Variants in QDPR observed in about 807,000 individuals in gnomAD.
The protein encoded by QDPR is dihydropteridine reductase.
QDPR carries 23 observed loss-of-function variants against 31.7 expected under a neutral mutation model. The observed-to-expected ratio is 0.73, with a 90% confidence interval of 0.52 to 1.03. The LOEUF (loss-of-function observed/expected upper bound fraction) is 1.03. QDPR is among the 50% of genes least tolerant of loss of function. QDPR has a pLI of 0.00. For synonymous variants in QDPR, 124 were observed against 124.7 expected, an observed-to-expected ratio of 0.99 and a Z score of 0.03; for missense variants, 324 against 323.8, an observed-to-expected ratio of 1.00 and a Z score of 0.00.
chr4:17,494,514 C>T (rs1263499989), intron 4 of QDPR, among the ~76,000 whole-genome samples: 1 of 152,242 alleles, frequency 6.6e-6, no homozygotes, highest in East Asian at 1.9e-4. Flanking sequence ...ACCCTTTCCC[C>T]TCTCCATCAC....
intron 1 of QDPR, 79 bp downstream of exon 1, chr4:17,511,871 G>C: frequency 1.4e-6 from 2 of 1,431,106 alleles, no homozygotes; most frequent in Non-Finnish European, 1.9e-6. Context: ...CCTTCCTCTA[G>C]ACTGCCCCCC....
At chr4:17,491,240 A>ATCT (rs1360593899) in intron 5 of QDPR, among the ~76,000 whole-genome samples, 7 of 152,256 alleles carry the variant, frequency 4.6e-5, no homozygotes, top group Admixed American at 1.3e-4. Flanking sequence ...ATATGCATGA[A>ATCT]TCTCCCAAGA....
At chr4:17,505,061 CTGTT>C (rs1316076111) in intron 2 of QDPR, among the ~76,000 whole-genome samples, 4 of 152,054 alleles carry the variant, frequency 2.6e-5, no homozygotes, top group African/African-American at 7.2e-5. Context: ...CTCTCTGCTT[CTGTT>C]TGTTTGAGAT....
chr4:17,494,040 C>T (rs1718264542), intron 4 of QDPR, among the ~76,000 whole-genome samples: 1 of 152,104 alleles, frequency 6.6e-6, no homozygotes, highest in Non-Finnish European at 1.5e-5. Flanking sequence ...GCCCTGGAAC[C>T]CGACTACCTG....
At chr4:17,493,446 C>T (rs180914808) in intron 4 of QDPR, among the ~76,000 whole-genome samples, 4 of 152,328 alleles carry the variant, frequency 2.6e-5, no homozygotes, top group Admixed American at 1.3e-4. Context: ...ACCTACCCTA[C>T]TTCAGATGGC....
At chr4:17,504,541 G>T in intron 2 of QDPR, 66 bp from the exon 3 acceptor site, 1 of 1,272,468 alleles carries the variant, frequency 7.9e-7, no homozygotes, top group Middle Eastern at 1.8e-4. Flanking sequence ...GCATCTTTAC[G>T]GATACTCAGT....
rs1028605364 is a variant in QDPR at position 17,497,677 on chromosome 4, G to C, written c.436+4042C>G. 1.3e-5 allele frequency among the ~76,000 whole-genome samples: 2 copies of C among 152,022 alleles called. 1 individual carries two copies. Among genetic ancestry groups the C allele is most frequent in the South Asian group, 4.1e-4 (2 of 4,828 alleles). The stretch of plus-strand genomic sequence containing the variant: ...TGAACTTTTTTTCCTCCATAATCAA[G>C]GGAAAATAATAGGACCTACTTTACA... On this transcript the variant is annotated intron_variant, in intron 4 of 6. Transcript: ENST00000281243.
intron 2 of QDPR, 102 bp downstream of exon 2, chr4:17,509,169 G>T: frequency 1.0e-6 from 1 of 974,076 alleles, no homozygotes; most frequent in Admixed American, 1.9e-5. Flanking sequence ...GGGAAAAAAA[G>T]AAATAAAAGG....
intron 6 of QDPR, among the ~76,000 whole-genome samples, chr4:17,489,651 A>G (rs1180508334): frequency 6.6e-6 from 1 of 152,170 alleles, no homozygotes; most frequent in African/African-American, 2.4e-5. Context: ...AATAAAAATG[A>G]CAGCTCCTCC....
chr4:17,509,821 C>T, intron 1 of QDPR: 1 of 377,490 alleles, frequency 2.6e-6, no homozygotes, highest in Non-Finnish European at 5.3e-6. Context: ...CCAGGCCCTC[C>T]TACCTCCAAA....
chr4:17,500,381 G>A (rs531652108), intron 4 of QDPR, among the ~76,000 whole-genome samples: 2 of 152,274 alleles, frequency 1.3e-5, no homozygotes, highest in East Asian at 3.9e-4. Flanking sequence ...GGAGTGTTAT[G>A]GGCTGAAATA....
chr4:17,509,583 C>G (rs1718926123), intron 1 of QDPR, among the ~76,000 whole-genome samples: 1 of 152,116 alleles, frequency 6.6e-6, no homozygotes, highest in South Asian at 2.1e-4. Context: ...TAAAATTAGT[C>G]AGGTGTGGTG....
chr4:17,508,284 A>G lies in QDPR; in HGVS notation c.198+987T>C, dbSNP rs1289270864. Reference sequence around the variant, plus strand: ...AAAACCTGTCTCTACTAAAAATACAAAAAAGTTAGCTGGGCATTGGGGTGC... The same window carrying G: ...AAAACCTGTCTCTACTAAAAATACAGAAAAGTTAGCTGGGCATTGGGGTGC... On this transcript the variant is annotated intron_variant, in intron 2 of 6. Coordinates refer to ENST00000281243, the MANE Select transcript of QDPR (RefSeq NM_000320.3). Among the ~76,000 whole-genome samples, 4 of 152,204 alleles carry G rather than the reference A, an allele frequency of 2.6e-5. No individual in the cohort carries two copies. In the East Asian group the frequency reaches 7.7e-4, roughly 29 times the overall value.
intron 6 of QDPR, among the ~76,000 whole-genome samples, chr4:17,489,627 G>A (rs934700549): frequency 6.6e-6 from 1 of 152,098 alleles, no homozygotes; most frequent in African/African-American, 2.4e-5. Context: ...ATCCCTCCAA[G>A]TCTCTAAGCC....
intron 4 of QDPR, among the ~76,000 whole-genome samples, chr4:17,496,196 A>T (rs1231809560): frequency 6.6e-6 from 1 of 152,106 alleles, no homozygotes; most frequent in Admixed American, 6.6e-5. Context: ...CTGTAATCCC[A>T]GCACTTTGGG....
At chr4:17,493,614 A>G (rs1278267735) in intron 4 of QDPR, among the ~76,000 whole-genome samples, 3 of 152,244 alleles carry the variant, frequency 2.0e-5, no homozygotes, top group African/African-American at 7.2e-5. Context: ...GATACAACTC[A>G]GGAACAGCCA....
Position 17,497,791 on chromosome 4 carries a change from C to T in QDPR, c.436+3928G>A, listed in dbSNP as rs189709732. Among the ~76,000 whole-genome samples, 19 of 152,102 alleles carry T rather than the reference C, an allele frequency of 1.2e-4. 1 individual carries two copies. The highest frequency in any genetic ancestry group is 7.9e-4 in the Admixed American group (12 of 15,276). Reference sequence around the variant, plus strand: ...TGCCTAAAAATATTTCTTTCTTTTTCGCCAAGTCTGTTGAGGTATAACTGA... The same window carrying T: ...TGCCTAAAAATATTTCTTTCTTTTTTGCCAAGTCTGTTGAGGTATAACTGA... On this transcript the variant is annotated intron_variant, in intron 4 of 6. Transcript: ENST00000281243.
intron 2 of QDPR, among the ~76,000 whole-genome samples, chr4:17,505,866 T>C (rs1039668310): frequency 1.3e-4 from 19 of 151,968 alleles, no homozygotes; most frequent in African/African-American, 4.1e-4. Flanking sequence ...TTTGGTGGAG[T>C]AGTAGAAGAA....
intron 5 of QDPR, among the ~76,000 whole-genome samples, chr4:17,491,898 C>T (rs114950581): frequency 1.6e-4 from 25 of 152,194 alleles, no homozygotes; most frequent in African/African-American, 5.8e-4. Flanking sequence ...GCCCATTTGC[C>T]CCTTCCACCG....
Sources: gnomAD v4.1 joint callset for allele counts (sites outside exome capture counted in the v4.1 genomes callset) on GRCh38, gnomAD v4.1.1 for gene constraint, MANE v1.5 for transcripts, NCBI Gene and HGNC (gene_info 2026-07-23, HGNC 2026-07-21) for gene names.